Variants in DROSHA observed in about 807,000 individuals in gnomAD.
DROSHA encodes ribonuclease 3.
In DROSHA, 56 loss-of-function variants were observed where a neutral mutation model predicts 181.9. The observed-to-expected ratio is 0.31, with a 90% CI of 0.25 to 0.38. The LOEUF (loss-of-function observed/expected upper bound fraction) is 0.38, where lower values mean the gene tolerates loss of function less well. DROSHA is among the 10% of genes least tolerant of loss of function. The pLI, the probability that DROSHA is intolerant of heterozygous loss-of-function variation, is 1.00. For synonymous variants in DROSHA, 524 were observed against 591.2 expected, an observed-to-expected ratio of 0.89 and a Z score of 1.65; for missense variants, 1,218 against 1,743.5, an observed-to-expected ratio of 0.70 and a Z score of 5.37.
At chr5:31,429,444 C>T (rs956367970) in intron 27 of DROSHA, 31 bp downstream of exon 27, 2 of 1,579,504 alleles carry the variant, frequency 1.3e-6, no homozygotes, top group East Asian at 2.3e-5. Flanking sequence ...TAATATATAA[C>T]AAAAAAAATC....
chr5:31,451,071 G>A (rs1253600482), intron 21 of DROSHA, among the ~76,000 whole-genome samples: 3 of 152,062 alleles, frequency 2.0e-5, no homozygotes, highest in Non-Finnish European at 2.9e-5. Context: ...GCATGGTGGC[G>A]GGCGCCTGTA....
chr5:31,440,369 C>G (rs929842168), intron 23 of DROSHA, among the ~76,000 whole-genome samples: 4 of 152,128 alleles, frequency 2.6e-5, no homozygotes, highest in African/African-American at 9.7e-5. Context: ...CTATAGTTTC[C>G]ATATATAGTA....
At chr5:31,445,717 A>G (rs984345522) in intron 23 of DROSHA, among the ~76,000 whole-genome samples, 2 of 152,248 alleles carry the variant, frequency 1.3e-5, no homozygotes, top group African/African-American at 4.8e-5. Flanking sequence ...AAAGCATGTG[A>G]CAAAATTCAA....
intron 24 of DROSHA, 46 bp downstream of exon 24, chr5:31,437,193 A>C: frequency 6.5e-7 from 1 of 1,530,238 alleles, no homozygotes; most frequent in Non-Finnish European, 8.9e-7. Context: ...GTTACCTATA[A>C]AATGTAATTA....
rs181262044 is a variant in DROSHA at position 31,489,396 on chromosome 5, T to C, written c.1843-2834A>G. ...TCTTCTCTTTGTATATACTTTATTT[T>C]CTTTTGGGCTTCCATCCATACCACC... On this transcript the variant is annotated intron_variant, in intron 13 of 35. Coordinates refer to ENST00000344624, the MANE Select transcript of DROSHA (RefSeq NM_001382508.1). 7.9e-5 allele frequency among the ~76,000 whole-genome samples: 12 copies of C among 152,340 alleles called. No individual in the cohort carries two copies. In the East Asian group the frequency reaches 2.3e-3, roughly 29 times the overall value.
chr5:31,484,407 A>AAG (rs1751482112), intron 15 of DROSHA, among the ~76,000 whole-genome samples: 1 of 145,838 alleles, frequency 6.9e-6, no homozygotes, highest in African/African-American at 2.5e-5. Flanking sequence ...AAAAAAAAAA[A>AAG]AGAATACGGA....
At chr5:31,447,007 C>T (rs1007015180) in intron 23 of DROSHA, among the ~76,000 whole-genome samples, 6 of 151,870 alleles carry the variant, frequency 4.0e-5, no homozygotes, top group Non-Finnish European at 4.4e-5. Context: ...GCCACTGCAC[C>T]GCAGCCTGGG....
At chr5:31,425,752 A>G (rs1403252088) in intron 27 of DROSHA, among the ~76,000 whole-genome samples, 2 of 152,116 alleles carry the variant, frequency 1.3e-5, no homozygotes, top group Non-Finnish European at 2.9e-5. Context: ...CTTAAACTAG[A>G]GCATCTGTTA....
intron 16 of DROSHA, among the ~76,000 whole-genome samples, chr5:31,477,078 C>A (rs1305848557): frequency 6.6e-6 from 1 of 152,198 alleles, no homozygotes; most frequent in African/African-American, 2.4e-5. Context: ...TCCGCCAACT[C>A]TGGGACTGGA....
At chr5:31,475,582 C>G (rs1375855979) in intron 16 of DROSHA, among the ~76,000 whole-genome samples, 1 of 152,088 alleles carries the variant, frequency 6.6e-6, no homozygotes, top group Non-Finnish European at 1.5e-5. Flanking sequence ...CCTAGAGAAC[C>G]TTGGAAAGAA....
chr5:31,488,970 T>C (rs1218189871), intron 13 of DROSHA: 1 of 152,184 alleles, frequency 6.6e-6, no homozygotes, highest in Non-Finnish European at 1.5e-5. Context: ...CAGGAGGGTG[T>C]CCCCTTAGTA....
intron 16 of DROSHA, 129 bp from the exon 17 acceptor site, chr5:31,472,361 A>T: frequency 5.4e-6 from 6 of 1,119,814 alleles, no homozygotes; most frequent in Non-Finnish European, 7.3e-6. Flanking sequence ...GGTAATGTAA[A>T]ATTTACACTG....
intron 23 of DROSHA, among the ~76,000 whole-genome samples, chr5:31,440,317 T>C (rs1227600702): frequency 3.9e-5 from 6 of 152,260 alleles, no homozygotes; most frequent in Non-Finnish European, 1.5e-5. Flanking sequence ...TGTATTATTC[T>C]GTTTCATGTG....
At chr5:31,483,501 C>A in intron 16 of DROSHA, 53 bp downstream of exon 16, 1 of 1,574,768 alleles carries the variant, frequency 6.4e-7, no homozygotes, top group Non-Finnish European at 8.7e-7. Flanking sequence ...AAATGGCAAG[C>A]TTATTTTCAG....
intron 27 of DROSHA, among the ~76,000 whole-genome samples, chr5:31,427,390 T>A (rs533608323): frequency 6.6e-6 from 1 of 151,794 alleles, no homozygotes; most frequent in South Asian, 2.1e-4. Flanking sequence ...GCTGAAAGAG[T>A]AAAACTCAGT....
chr5:31,461,387 C>G (rs1748386194), intron 20 of DROSHA, among the ~76,000 whole-genome samples: 1 of 152,126 alleles, frequency 6.6e-6, no homozygotes, highest in African/African-American at 2.4e-5. Context: ...GGCAAAAACT[C>G]TTAGTTAAAA....
chr5:31,516,987 C>G (rs1233500935), intron 6 of DROSHA, among the ~76,000 whole-genome samples: 1 of 152,170 alleles, frequency 6.6e-6, no homozygotes, highest in Admixed American at 6.5e-5. Flanking sequence ...AGGCAGTACT[C>G]GTTTAGACTA....
intron 16 of DROSHA, among the ~76,000 whole-genome samples, chr5:31,483,260 A>AT (rs1328755763): frequency 6.6e-5 from 10 of 152,256 alleles, no homozygotes; most frequent in African/African-American, 2.4e-4. Context: ...AGCCATATGC[A>AT]TTTTTTAAGC....
chr5:31,420,370 T>C (rs888772892), intron 30 of DROSHA, among the ~76,000 whole-genome samples: 1 of 152,234 alleles, frequency 6.6e-6, no homozygotes, highest in Non-Finnish European at 1.5e-5. Context: ...AGGTTACTCA[T>C]TGTGCCTTAA....
Sources: allele counts gnomAD v4.1 joint callset (sites outside exome capture counted in the v4.1 genomes callset), GRCh38; gene constraint gnomAD v4.1.1; transcripts MANE v1.5; gene names NCBI Gene and HGNC (gene_info 2026-07-23, HGNC 2026-07-21).